The following NFATC3 variants were observed in gnomAD, a reference collection of about 807,000 sequenced individuals.
NFATC3 encodes the protein nuclear factor of activated T-cells, cytoplasmic 3.
NFATC3 carries 46 observed loss-of-function variants against 98.6 expected under a neutral mutation model. That is an observed-to-expected ratio of 0.47 (90% CI 0.37 to 0.60). NFATC3 has a LOEUF of 0.60. Ranked by LOEUF, NFATC3 falls within the 20% of genes least tolerant of loss-of-function variation. The probability of loss-of-function intolerance (pLI) is 0.00; values close to 1 mark genes in which losing one functional copy is unlikely to be tolerated. For missense variants in NFATC3, 1,256 were observed against 1,295.5 expected (o/e 0.97, Z 0.47); for synonymous variants, 512 against 472.2 (o/e 1.08, Z -1.09).
At chr16:68,089,330 T>C (rs2034574613) in intron 1 of NFATC3, 11 of 963,864 alleles carry the variant, frequency 1.1e-5, no homozygotes, top group African/African-American at 1.8e-5. Flanking sequence ...GTATGTTGTA[T>C]ACATTTGTGA....
intron 1 of NFATC3, among the ~76,000 whole-genome samples, chr16:68,108,189 C>G (rs2035764512): frequency 6.6e-6 from 1 of 152,096 alleles, no homozygotes; most frequent in Admixed American, 6.6e-5. Flanking sequence ...AGGTTTTCTT[C>G]TAGGGTTTTT....
chr16:68,202,704 C>T (rs750741730), intron 9 of NFATC3, among the ~76,000 whole-genome samples: 5 of 151,862 alleles, frequency 3.3e-5, no homozygotes, highest in South Asian at 2.1e-4. Flanking sequence ...CCCAGCTACT[C>T]GGGAGGCTGA....
chr16:68,168,289 A>G (rs995545473), intron 5 of NFATC3, among the ~76,000 whole-genome samples: 5 of 151,856 alleles, frequency 3.3e-5, no homozygotes, highest in Non-Finnish European at 5.9e-5. Context: ...CAGCCTCCTG[A>G]GTAGCCGGGG....
chr16:68,159,048 A>T (rs60770480), intron 4 of NFATC3, among the ~76,000 whole-genome samples: 1 of 152,196 alleles, frequency 6.6e-6, no homozygotes, highest in Non-Finnish European at 1.5e-5. Context: ...CCTGAGCAAC[A>T]TGGCGAAACC....
intron 1 of NFATC3, among the ~76,000 whole-genome samples, chr16:68,112,268 CTTTTT>C (rs768228927): frequency 6.5e-5 from 5 of 77,422 alleles, no homozygotes; most frequent in African/African-American, 2.7e-4. Context: ...TAGGTTCAGT[CTTTTT>C]TTTTTTTTTT....
chr16:68,199,359 G>A (rs1326210500), intron 9 of NFATC3, among the ~76,000 whole-genome samples: 45 of 142,770 alleles, frequency 3.2e-4, no homozygotes, highest in East Asian at 1.9e-3. Context: ...GAGTAGCTGG[G>A]ACTACAGGCG....
At chr16:68,215,356 T>C (rs540043487) in intron 9 of NFATC3, among the ~76,000 whole-genome samples, 170 of 152,274 alleles carry the variant, frequency 1.1e-3, no homozygotes, top group Middle Eastern at 3.4e-3. Flanking sequence ...AACCAGAGGA[T>C]TTAAAATAAT....
Position 68,191,027 on chromosome 16 carries a change from A to G in NFATC3, c.2358A>G (p.Val786=), listed in dbSNP as rs199633374. The change falls in exon 9 of 10, where the codon GTA becomes GTG. Residue 786 remains valine (V), a synonymous_variant. Coordinates refer to ENST00000346183, the MANE Select transcript of NFATC3 (RefSeq NM_173165.3). ...AGCATATGATTCCTTCTCCAATTGT[A>G]CACCAGCCTTTTCAAGTCACACCAA... ...KEQHMIPSPI[V]HQPFQVTPTP... 5.8e-5 allele frequency: 94 copies of G among 1,614,090 alleles called. No individual in the cohort carries two copies. Among genetic ancestry groups the G allele is most frequent in the Non-Finnish European group, 7.3e-5 (86 of 1,180,050 alleles).
At chr16:68,170,302 A>G (rs1237674054) in intron 5 of NFATC3, among the ~76,000 whole-genome samples, 1 of 150,860 alleles carries the variant, frequency 6.6e-6, no homozygotes, top group East Asian at 2.0e-4. Flanking sequence ...GAGGCAAAGG[A>G]ATCACTTGAA....
rs769742861 is a variant in NFATC3 at position 68,152,209 on chromosome 16, C to CAA, written c.1402-5641_1402-5640dup. Among the ~76,000 whole-genome samples the CAA allele has an allele frequency of 5.9e-4, 61 of 103,452 alleles. 1 individual carries two copies. The East Asian group carries it at 0.015, about 25-fold the overall frequency. 67.9% of individuals were successfully genotyped at this position (103,452 alleles called of 152,430 possible). A position where few individuals can be genotyped will look rare whatever the true frequency, so the allele number is the denominator to read the frequency against. On this transcript the variant is annotated intron_variant, in intron 3 of 9. Coordinates refer to ENST00000346183, the MANE Select transcript of NFATC3 (RefSeq NM_173165.3). Reference sequence around the variant, plus strand: ...GAAACGCCATCTCTACTAAAGATACCAAAAAAAAAAAAAAAAAAAATTAGC... The same window carrying CAA: ...GAAACGCCATCTCTACTAAAGATACCAAAAAAAAAAAAAAAAAAAAAATTAGC...
At chr16:68,195,109 A>AT (rs2040605791) in intron 9 of NFATC3, among the ~76,000 whole-genome samples, 1 of 151,462 alleles carries the variant, frequency 6.6e-6, no homozygotes. Flanking sequence ...AAAAAAAAAA[A>AT]GCCAGCGTGG....
intron 1 of NFATC3, among the ~76,000 whole-genome samples, chr16:68,113,716 C>T (rs1191309806): frequency 2.0e-5 from 3 of 152,238 alleles, no homozygotes; most frequent in African/African-American, 7.2e-5. Context: ...ACCACCCCTA[C>T]CCGTAGAGGC....
intron 2 of NFATC3, among the ~76,000 whole-genome samples, chr16:68,123,867 C>T (rs137997039): frequency 0.013 from 1,990 of 151,418 alleles, 22 homozygotes; most frequent in Non-Finnish European, 0.02. Flanking sequence ...CACCTATAGT[C>T]CCAGGTACTA....
chr16:68,202,091 C>T (rs1409765683), intron 9 of NFATC3, among the ~76,000 whole-genome samples: 1 of 151,614 alleles, frequency 6.6e-6, no homozygotes, highest in East Asian at 1.9e-4. Flanking sequence ...TAAAGTCCCT[C>T]AGTTCCCACT....
chr16:68,102,207 T>C (rs1021221597), intron 1 of NFATC3, among the ~76,000 whole-genome samples: 18 of 151,590 alleles, frequency 1.2e-4, no homozygotes, highest in South Asian at 6.3e-4. Context: ...CCGTCTCTAC[T>C]AAAAATACAA....
chr16:68,088,929 C>CT (rs2034554712), intron 1 of NFATC3: 1 of 975,936 alleles, frequency 1.0e-6, no homozygotes, highest in African/African-American at 1.8e-5. Flanking sequence ...TCCCAAAATG[C>CT]TGGGATTACA....
At chr16:68,192,261 GTA>G (rs71382034) in intron 9 of NFATC3, 1 of 101,404 alleles carries the variant, frequency 9.9e-6, no homozygotes, top group South Asian at 3.2e-4. Context: ...ATATGTATGT[GTA>G]TATATATATG....
chr16:68,198,803 C>G (rs763792245), intron 9 of NFATC3, among the ~76,000 whole-genome samples: 1 of 152,192 alleles, frequency 6.6e-6, no homozygotes, highest in Non-Finnish European at 1.5e-5. Context: ...AATCCCAGCA[C>G]TATGGGAGGC....
At chr16:68,193,194 G>A (rs1463691268) in intron 9 of NFATC3, among the ~76,000 whole-genome samples, 1 of 152,014 alleles carries the variant, frequency 6.6e-6, no homozygotes, top group East Asian at 1.9e-4. Flanking sequence ...ATTTAAAGGG[G>A]GTATGTGGAT....
Sources: allele counts gnomAD v4.1 joint callset (sites outside exome capture counted in the v4.1 genomes callset), GRCh38; gene constraint gnomAD v4.1.1; transcripts MANE v1.5; gene names NCBI Gene and HGNC (gene_info 2026-07-23, HGNC 2026-07-21).